SLC16A14: variants seen among roughly 807,000 people sequenced by gnomAD.
SLC16A14 encodes monocarboxylate transporter 14.
SLC16A14 carries 14 observed loss-of-function variants against 35.8 expected under a neutral mutation model. The observed-to-expected ratio is 0.39, with a 90% CI of 0.26 to 0.61. The LOEUF (loss-of-function observed/expected upper bound fraction) is 0.61, where lower values mean the gene tolerates loss of function less well. Ranked by LOEUF, SLC16A14 falls within the 20% of genes least tolerant of loss-of-function variation. The probability of loss-of-function intolerance (pLI) is 0.51; values close to 1 mark genes in which losing one functional copy is unlikely to be tolerated. For missense variants in SLC16A14, 533 were observed against 655.0 expected, an observed-to-expected ratio of 0.81 and a Z score of 2.03; for synonymous variants, 248 against 258.9, an observed-to-expected ratio of 0.96 and a Z score of 0.40.
At position 230,038,287 on chromosome 2, in the gene SLC16A14, A is replaced by C. The variant is rs1213875029; in HGVS notation, c.1382-756T>G. 6.6e-6 allele frequency among the ~76,000 whole-genome samples: 1 copy of C among 152,352 alleles called. No individual in the cohort carries two copies. Among genetic ancestry groups the C allele is most frequent in the South Asian group, 2.1e-4 (1 of 4,828 alleles). ...ATGAATTCTAAGACAATGATGTGCC[A>C]TTATTTTATGTATCAGTAAGAAATA... On this transcript the variant is annotated intron_variant, in intron 4 of 4. Transcript: ENST00000295190. The surrounding 1 kb of genome is among the most constrained non-coding windows in gnomAD (Gnocchi z 4.4).
chr2:230,059,375 C>A lies in SLC16A14; in HGVS notation c.-14-9G>T, dbSNP rs752814579. The A allele has an allele frequency of 3.3e-6, 5 of 1,529,066 alleles. No homozygotes were observed. Among genetic ancestry groups the A allele is most frequent in the Non-Finnish European group, 4.4e-6 (5 of 1,135,520 alleles). 94.7% of individuals were successfully genotyped at this position (1,529,066 alleles called of 1,614,324 possible). The stretch of plus-strand genomic sequence containing the variant: ...CATTTTCCAAGATTTTTCTGAAATA[C>A]ATATAACAAATAATTTCATGGAACA... On this transcript the variant is annotated splice_polypyrimidine_tract_variant and intron_variant, in intron 1 of 4. Coordinates refer to ENST00000295190, the MANE Select transcript of SLC16A14 (RefSeq NM_152527.5).
In SLC16A14 at chr2:230,035,602, A is replaced by G. The variant is rs2077514001; in HGVS notation, c.*1778T>C. 6.6e-6 allele frequency: 1 copy of G among 152,304 alleles called. No individual in the cohort carries two copies. 9.4% of individuals were successfully genotyped at this position (152,304 alleles called of 1,614,324 possible). ...TCAAAATAGAGAGCTGGATTCTTTA[A>G]CAGCAGCCAAAGCTGTAATGATAAC... On this transcript the variant is annotated 3_prime_UTR_variant, in exon 5 of 5. Transcript: ENST00000295190.
chr2:230,058,321 A>G (rs972461003), intron 2 of SLC16A14: 1 of 152,140 alleles, frequency 6.6e-6, no homozygotes, highest in Non-Finnish European at 1.5e-5. Context: ...CCACTGGACC[A>G]GCCAAAATGA....
At chr2:230,055,518 A>T (rs2077697552) in intron 2 of SLC16A14, among the ~76,000 whole-genome samples, 1 of 152,196 alleles carries the variant, frequency 6.6e-6, no homozygotes, top group African/African-American at 2.4e-5. Context: ...TAAAATCTGA[A>T]ATTCCACAGT....
intron 1 of SLC16A14, among the ~76,000 whole-genome samples, chr2:230,061,930 C>T (rs570449793): frequency 1.3e-5 from 2 of 151,894 alleles, no homozygotes; most frequent in South Asian, 2.1e-4. Flanking sequence ...TTATTAGAGA[C>T]GGGGTTTCGC....
intron 4 of SLC16A14, among the ~76,000 whole-genome samples, chr2:230,044,130 G>A (rs2106247473): frequency 6.6e-6 from 1 of 152,268 alleles, no homozygotes; most frequent in Admixed American, 6.5e-5. Flanking sequence ...CTGGGGAGAT[G>A]AGCCTGGATT....
chr2:230,057,038 G>A (rs533198396), intron 2 of SLC16A14, among the ~76,000 whole-genome samples: 7 of 152,066 alleles, frequency 4.6e-5, no homozygotes, highest in African/African-American at 9.6e-5. Flanking sequence ...GCACAAAACC[G>A]AAAAAGATTA....
At chr2:230,042,450 C>T (rs2077568426) in intron 4 of SLC16A14, among the ~76,000 whole-genome samples, 1 of 152,190 alleles carries the variant, frequency 6.6e-6, no homozygotes, top group Non-Finnish European at 1.5e-5. Context: ...TCATGCCATA[C>T]CTCACAGTTG....
At chr2:230,050,366 C>A (rs2077649949) in intron 2 of SLC16A14, among the ~76,000 whole-genome samples, 1 of 152,202 alleles carries the variant, frequency 6.6e-6, no homozygotes, top group South Asian at 2.1e-4. Flanking sequence ...CTGGGACACA[C>A]CCCTTCCAGT....
intron 2 of SLC16A14, 134 bp downstream of exon 2, chr2:230,058,960 A>G: frequency 6.9e-7 from 1 of 1,457,474 alleles, no homozygotes. Context: ...TGTTATGCAT[A>G]TTTTATCACA....
chr2:230,044,175 T>C (rs1042233156), intron 4 of SLC16A14, among the ~76,000 whole-genome samples: 1 of 151,952 alleles, frequency 6.6e-6, no homozygotes, highest in African/African-American at 2.4e-5. Context: ...TAGACACCCT[T>C]ATAAGTGAAA....
At chr2:230,054,303 CA>C (rs1293429853) in intron 2 of SLC16A14, among the ~76,000 whole-genome samples, 1 of 152,100 alleles carries the variant, frequency 6.6e-6, no homozygotes, top group East Asian at 1.9e-4. Flanking sequence ...TTCACTCTGC[CA>C]AAAGAAAAAA....
In SLC16A14 at chr2:230,038,649, A is replaced by C. The variant is rs1577380423; in HGVS notation, c.1382-1118T>G. Among the ~76,000 whole-genome samples, 1 of 152,214 alleles carries C rather than the reference A, an allele frequency of 6.6e-6. No individual in the cohort carries two copies. The highest frequency in any genetic ancestry group is 1.5e-5 in the Non-Finnish European group (1 of 68,026). Reference sequence around the variant, plus strand: ...GCCAGGATCAGTGGCTCACACCTGTAATCCCAGCACTTTGGGAGACCAAGG... The same window carrying C: ...GCCAGGATCAGTGGCTCACACCTGTCATCCCAGCACTTTGGGAGACCAAGG... On this transcript the variant is annotated intron_variant, in intron 4 of 4. Coordinates refer to ENST00000295190, the MANE Select transcript of SLC16A14 (RefSeq NM_152527.5). The surrounding 1 kb of genome is among the most constrained non-coding windows in gnomAD (Gnocchi z 4.4).
Position 230,046,562 on chromosome 2 carries a change from C to G in SLC16A14, c.564G>C (p.Trp188Cys). 1 of 1,614,226 alleles carries G rather than the reference C, an allele frequency of 6.2e-7. No homozygotes were observed. Among genetic ancestry groups the G allele is most frequent in the Non-Finnish European group, 8.5e-7 (1 of 1,180,050 alleles). ...CACCTTGGATCAACATGGCATTCCT[C>G]CAGCCGTACTCTGCGCACAGGTACT... ...LLKYLCAEYG[W>C]RNAMLIQGAV... Residue 188 changes from tryptophan to cysteine, a missense_variant, in exon 4 of 5, where the codon TGG becomes TGC. Coordinates refer to ENST00000295190, the MANE Select transcript of SLC16A14 (RefSeq NM_152527.5). The surrounding 1 kb of genome is among the most constrained non-coding windows in gnomAD (Gnocchi z 5.0).
rs2077819527 is a variant in SLC16A14, at chr2:230,068,329, C to A, written c.-15+226G>T. 1 of 152,398 alleles carries A rather than the reference C, an allele frequency of 6.6e-6. No individual in the cohort carries two copies. Among genetic ancestry groups the A allele is most frequent in the Admixed American group, 6.5e-5 (1 of 15,284 alleles). The allele number at this position is 152,398 out of a possible 1,614,324, so 9.4% of individuals were successfully genotyped here. A position where few individuals can be genotyped will look rare whatever the true frequency, so the allele number is the denominator to read the frequency against. ...TGCCCTGAACCGCCGGTTACCCTGC[C>A]CGCCCGCAGCTCCCAAGCCCCCGCG... is the stretch of plus-strand genomic sequence containing the variant. On this transcript the variant is annotated intron_variant, in intron 1 of 4. Coordinates refer to ENST00000295190, the MANE Select transcript of SLC16A14 (RefSeq NM_152527.5). The surrounding 1 kb of genome is among the most constrained non-coding windows in gnomAD (Gnocchi z 5.1).
chr2:230,057,388 G>A (rs1054519237), intron 2 of SLC16A14, among the ~76,000 whole-genome samples: 2 of 152,068 alleles, frequency 1.3e-5, no homozygotes, highest in Non-Finnish European at 2.9e-5. Context: ...TTGCTGTGTG[G>A]TTAGGTTTAA....
Position 230,046,642 on chromosome 2 carries a change from C to A in SLC16A14, c.484G>T (p.Gly162Cys). ...YFQKRRALAQ[G>C]LSTTGTGFGT... ...AATCCGGTCCCCGTGGTGCTGAGGC[C>A]CTGGGCGAGGGCGCGTCTCTTCTGG... The change falls in exon 4 of 5, where the codon GGC (glycine) becomes TGC (cysteine). Residue 162 changes from glycine to cysteine, a missense_variant. Gly to Cys is a radical substitution (Grantham distance 159). Transcript: ENST00000295190. The surrounding 1 kb of genome is among the most constrained non-coding windows in gnomAD (Gnocchi z 5.0). 1.2e-6 allele frequency: 2 copies of A among 1,610,010 alleles called. No individual in the cohort carries two copies. The highest frequency in any genetic ancestry group is 1.7e-6 in the Non-Finnish European group (2 of 1,180,024).
intron 1 of SLC16A14, among the ~76,000 whole-genome samples, chr2:230,063,151 G>T (rs1172297670): frequency 6.6e-6 from 1 of 152,102 alleles, no homozygotes; most frequent in Non-Finnish European, 1.5e-5. Context: ...GTTGGGCATG[G>T]TGGCAGGTGC....
Position 230,049,903 on chromosome 2 carries a change from GC to G in SLC16A14, c.260del (p.Gly87AlafsTer30). ...TGTTAATGAACAAGCCGATGAAAGG[GC>G]CTGTCACAGAGCATTGGAAAAGGAA... ...SLSMGITLIV[G>X]PFIGLFINTC... On this transcript the variant is annotated frameshift_variant and splice_region_variant, in exon 3 of 5. Coordinates refer to ENST00000295190, the MANE Select transcript of SLC16A14 (RefSeq NM_152527.5). LOFTEE classifies it high-confidence loss of function. The G allele has an allele frequency of 6.2e-7, 1 of 1,613,850 alleles. No individual in the cohort carries two copies. Among genetic ancestry groups the G allele is most frequent in the African/African-American group, 1.3e-5 (1 of 75,032 alleles).
Sources: allele counts gnomAD v4.1 joint callset (sites outside exome capture counted in the v4.1 genomes callset), GRCh38; gene constraint gnomAD v4.1.1; non-coding constraint Gnocchi (gnomAD v3.1); transcripts MANE v1.5; gene names NCBI Gene and HGNC (gene_info 2026-07-23, HGNC 2026-07-21).